The following PRPF6 variants were observed in gnomAD, a reference collection of about 807,000 sequenced individuals.
PRPF6 encodes pre-mRNA processing factor 6.
PRPF6 carries 42 observed loss-of-function variants against 118.3 expected under a neutral mutation model. The observed-to-expected ratio is 0.35, with a 90% CI of 0.28 to 0.46. PRPF6 has a LOEUF of 0.46. Ranked by LOEUF, PRPF6 falls within the 20% of genes least tolerant of loss-of-function variation. The probability of loss-of-function intolerance (pLI) is 1.00; values close to 1 mark genes in which losing one functional copy is unlikely to be tolerated. For missense variants in PRPF6, 662 were observed against 1,255.7 expected (o/e 0.53, Z 7.15); for synonymous variants, 481 against 485.1 (o/e 0.99, Z 0.11).
intron 9 of PRPF6, among the ~76,000 whole-genome samples, chr20:64,002,428 C>G (rs146406193): frequency 6.7e-6 from 1 of 149,914 alleles, no homozygotes; most frequent in Non-Finnish European, 1.5e-5. Context: ...CTCTGCCTCC[C>G]GGGTTCAAGT....
At chr20:63,990,315 CACAG>C (rs2059112864) in intron 3 of PRPF6, among the ~76,000 whole-genome samples, 1 of 152,036 alleles carries the variant, frequency 6.6e-6, no homozygotes, top group Admixed American at 6.6e-5. Flanking sequence ...TTCATGGGGA[CACAG>C]ATGTAAACCA....
At chr20:63,997,637 A>G (rs529385752) in intron 6 of PRPF6, among the ~76,000 whole-genome samples, 191 of 151,912 alleles carry the variant, frequency 1.3e-3, no homozygotes, top group African/African-American at 4.5e-3. Context: ...TTGTATTTTT[A>G]GTAGAGACGG....
chr20:64,007,067 C>T (rs777612346), intron 9 of PRPF6, among the ~76,000 whole-genome samples: 5 of 152,184 alleles, frequency 3.3e-5, no homozygotes, highest in East Asian at 1.9e-4. Context: ...GGGAGGAAAG[C>T]GGTTGAGCAG....
At chr20:64,017,231 C>A (rs1049468346) in intron 12 of PRPF6, among the ~76,000 whole-genome samples, 2 of 151,456 alleles carry the variant, frequency 1.3e-5, no homozygotes, top group African/African-American at 4.9e-5. Context: ...GCGTGAGCCA[C>A]CGCGCCCGGC....
chr20:63,981,994 T>G lies in PRPF6; in HGVS notation c.71+678T>G, dbSNP rs976610042. On this transcript the variant is annotated intron_variant, in intron 1 of 20. Coordinates refer to ENST00000266079, the MANE Select transcript of PRPF6 (RefSeq NM_012469.4). ...GGTGACGATAGAAGAGAAACTGACATTCTGCGTGTGGGAGTTCAAAAAAAG... is the reference window on the plus strand; with the variant it reads ...GGTGACGATAGAAGAGAAACTGACAGTCTGCGTGTGGGAGTTCAAAAAAAG... 2.6e-5 allele frequency among the ~76,000 whole-genome samples: 4 copies of G among 151,964 alleles called. No individual in the cohort carries two copies. The South Asian group carries it at 8.3e-4, about 32-fold the overall frequency.
intron 14 of PRPF6, 107 bp from the exon 15 acceptor site, chr20:64,025,832 A>C (rs1284149072): frequency 6.3e-7 from 1 of 1,594,084 alleles, no homozygotes; most frequent in Non-Finnish European, 8.6e-7. Context: ...ATCCTGTAGC[A>C]GAGCAAGGCC....
In PRPF6 at chr20:64,004,339, C is replaced by T. The variant is rs1270348817; in HGVS notation, c.1186+3100C>T. On this transcript the variant is annotated intron_variant, in intron 9 of 20. Transcript: ENST00000266079. ...GATGGCCTTTGCCGCTGCCCTAATA[C>T]TGGTCCTGGCCTGCCCTTTCCCAAG... is the stretch of plus-strand genomic sequence containing the variant. Among the ~76,000 whole-genome samples, 4 of 152,258 alleles carry T rather than the reference C, an allele frequency of 2.6e-5. No individual in the cohort carries two copies. In the East Asian group the frequency reaches 7.7e-4, roughly 29 times the overall value.
Position 64,001,125 on chromosome 20 carries a change from G to T in PRPF6, c.1072G>T (p.Ala358Ser). 1 of 1,614,198 alleles carries T rather than the reference G, an allele frequency of 6.2e-7. No homozygotes were observed. The highest frequency in any genetic ancestry group is 8.5e-7 in the Non-Finnish European group (1 of 1,180,028). The part of the protein sequence containing the change: ...EAARLQPGDT[A>S]KAVVAQAVRH... ...AGCCAGGTTGCAGCCTGGGGACACA[G>T]CCAAGGCCGTGGTAGCCCAAGCTGT... Residue 358 changes from alanine to serine, a missense_variant, in exon 9 of 21, where the codon GCC (alanine) becomes TCC (serine). Ala to Ser is a moderately conservative substitution (Grantham distance 99, BLOSUM62 1). Transcript: ENST00000266079.
In PRPF6 at chr20:64,028,591, G is replaced by A. The variant is rs747031047; in HGVS notation, c.2431+22G>A. 1.6e-5 allele frequency: 26 copies of A among 1,608,002 alleles called. No homozygotes were observed. The highest frequency in any genetic ancestry group is 5.5e-5 in the South Asian group (5 of 90,460). On this transcript the variant is annotated intron_variant, in intron 18 of 20. Coordinates refer to ENST00000266079, the MANE Select transcript of PRPF6 (RefSeq NM_012469.4). The surrounding 1 kb of genome is among the most constrained non-coding windows in gnomAD (Gnocchi z 6.5). The stretch of plus-strand genomic sequence containing the variant: ...TCCGGTAAGGGGGTGCCCCGACTCC[G>A]GTAAGGGGGTGCCCTGACTCCGGTA...
At chr20:63,993,300 C>G in intron 3 of PRPF6, 107 bp from the exon 4 acceptor site, 4 of 540,480 alleles carry the variant, frequency 7.4e-6, no homozygotes, top group South Asian at 6.2e-5. Context: ...GATTTAGCTA[C>G]TAAGAGTATG....
In PRPF6 at chr20:64,028,804, G is replaced by A. The variant is rs950359828; in HGVS notation, c.2431+235G>A. Among the ~76,000 whole-genome samples the A allele has an allele frequency of 6.6e-6, 1 of 152,158 alleles. No individual in the cohort carries two copies. The highest frequency in any genetic ancestry group is 6.5e-5 in the Admixed American group (1 of 15,280). The stretch of plus-strand genomic sequence containing the variant: ...TTAAGACAACTTAATGAAATTCTTG[G>A]CCTCAAAATGGGAGAATTTGATTTC... On this transcript the variant is annotated intron_variant, in intron 18 of 20. Coordinates refer to ENST00000266079, the MANE Select transcript of PRPF6 (RefSeq NM_012469.4). The surrounding 1 kb of genome is among the most constrained non-coding windows in gnomAD (Gnocchi z 6.5).
chr20:64,017,443 G>T (rs7263974), intron 12 of PRPF6, among the ~76,000 whole-genome samples: 2 of 135,572 alleles, frequency 1.5e-5, no homozygotes, highest in Admixed American at 1.5e-4. Context: ...GATCACAGGC[G>T]TGAGCCGCCC....
In PRPF6 at chr20:63,981,331, G is replaced by T. The variant is rs960245630; in HGVS notation, c.71+15G>T. The T allele has an allele frequency of 7.6e-6, 12 of 1,569,138 alleles. No individual in the cohort carries two copies. The Admixed American group carries it at 1.7e-4, about 22-fold the overall frequency. Reference sequence around the variant, plus strand: ...CTGGGCCGGGGGTGAGGCCTGGGGCGGCGCGCGAGGGGCGGGGACCCGGCT... The same window carrying T: ...CTGGGCCGGGGGTGAGGCCTGGGGCTGCGCGCGAGGGGCGGGGACCCGGCT... On this transcript the variant is annotated intron_variant, in intron 1 of 20. Transcript: ENST00000266079.
intron 10 of PRPF6, among the ~76,000 whole-genome samples, chr20:64,010,619 C>G (rs1012406163): frequency 6.6e-6 from 1 of 152,188 alleles, no homozygotes; most frequent in Non-Finnish European, 1.5e-5. Flanking sequence ...CTCTCAGCAG[C>G]CCAGAGTTTG....
chr20:63,997,610 C>T (rs560523798), intron 6 of PRPF6, among the ~76,000 whole-genome samples: 1 of 152,120 alleles, frequency 6.6e-6, no homozygotes, highest in East Asian at 1.9e-4. Context: ...GCGTGTGCCA[C>T]CATGTCTGGC....
intron 14 of PRPF6, among the ~76,000 whole-genome samples, chr20:64,025,212 AC>A (rs1416699663): frequency 1.3e-5 from 2 of 152,120 alleles, no homozygotes; most frequent in Admixed American, 1.3e-4. Flanking sequence ...ATGAGAGGGG[AC>A]TGGCCTGGGT....
At chr20:63,986,994 C>T (rs1048627974) in intron 3 of PRPF6, among the ~76,000 whole-genome samples, 14 of 150,784 alleles carry the variant, frequency 9.3e-5, no homozygotes, top group African/African-American at 3.4e-4. Context: ...GAGGGTAATA[C>T]CTTTTCTTTA....
At chr20:63,992,589 G>A (rs1355821850) in intron 3 of PRPF6, among the ~76,000 whole-genome samples, 1 of 152,028 alleles carries the variant, frequency 6.6e-6, no homozygotes, top group East Asian at 1.9e-4. Context: ...TCCTACCTTT[G>A]GGATTTTGTG....
chr20:64,031,708 A>G (rs2059315358), intron 19 of PRPF6, among the ~76,000 whole-genome samples: 1 of 151,720 alleles, frequency 6.6e-6, no homozygotes, highest in Non-Finnish European at 1.5e-5. Context: ...AAAAAAACCA[A>G]TTTGGTTAGA....
Sources: gnomAD v4.1 joint callset for allele counts (sites outside exome capture counted in the v4.1 genomes callset) on GRCh38, gnomAD v4.1.1 for gene constraint, Gnocchi (gnomAD v3.1) non-coding constraint, MANE v1.5 for transcripts, NCBI Gene and HGNC (gene_info 2026-07-23, HGNC 2026-07-21) for gene names.